Variants in FCMR observed in about 807,000 individuals in gnomAD.
FCMR encodes the protein immunoglobulin mu Fc receptor.
A neutral mutation model predicts 41.6 loss-of-function variants in FCMR; 34 were observed. The ratio of observed to expected loss-of-function variants is 0.82; its 90% confidence interval spans 0.62 to 1.09. FCMR has a LOEUF of 1.09. Among genes scored for constraint, FCMR ranks in the 50% least tolerant of loss-of-function variants. FCMR has a pLI of 0.00. For missense variants in FCMR, 496 were observed against 512.5 expected (o/e 0.97, Z 0.31); for synonymous variants, 209 against 211.8 (o/e 0.99, Z 0.12).
chr1:206,909,429 G>A lies in FCMR; in HGVS notation c.1044+33C>T. On this transcript the variant is annotated intron_variant, in intron 7 of 7. Transcript: ENST00000367091. The surrounding 1 kb of genome is among the most constrained non-coding windows in gnomAD (Gnocchi z 5.0). ...AGGGCTGGGGCCGCCCAGTCGGGCCGCGGCTGCCAATCAGGGCAGGAGCGG... is the reference window on the plus strand; with the variant it reads ...AGGGCTGGGGCCGCCCAGTCGGGCCACGGCTGCCAATCAGGGCAGGAGCGG... 2 of 1,218,928 alleles carry A rather than the reference G, an allele frequency of 1.6e-6. No homozygotes were observed. Among genetic ancestry groups the A allele is most frequent in the Non-Finnish European group, 2.1e-6 (2 of 974,440 alleles). The allele number at this position is 1,218,928 out of a possible 1,614,324, so 75.5% of individuals were successfully genotyped here. A position where few individuals can be genotyped will look rare whatever the true frequency, so the allele number is the denominator to read the frequency against.
At chr1:206,907,000 A>G (rs1678675267) in intron 7 of FCMR, among the ~76,000 whole-genome samples, 1 of 149,140 alleles carries the variant, frequency 6.7e-6, no homozygotes, top group Admixed American at 6.7e-5. Flanking sequence ...CTGAATGCCT[A>G]CTATGTTCAG....
chr1:206,919,599 A>G (rs970346300), intron 1 of FCMR, among the ~76,000 whole-genome samples: 5 of 152,216 alleles, frequency 3.3e-5, no homozygotes, highest in Admixed American at 2.6e-4. Context: ...CCTGTCTCAA[A>G]AAAAAGTGGG....
intron 2 of FCMR, 167 bp downstream of exon 2, chr1:206,913,592 A>G (rs545172426): frequency 3.2e-6 from 2 of 615,932 alleles, no homozygotes; most frequent in South Asian, 2.0e-5. Flanking sequence ...TGTGTGGACC[A>G]TGGAGGTAAT....
At chr1:206,911,593 C>T in intron 4 of FCMR, 137 bp downstream of exon 4, 1 of 762,080 alleles carries the variant, frequency 1.3e-6, no homozygotes, top group Non-Finnish European at 2.2e-6. Flanking sequence ...AGTTAATGAG[C>T]TATACTCATA....
rs912263913 is a variant in FCMR, at chr1:206,911,923, G to A, written c.517C>T (p.Pro173Ser). The A allele has an allele frequency of 1.9e-6, 3 of 1,607,202 alleles. No homozygotes were observed. The highest frequency in any genetic ancestry group is 2.7e-5 in the African/African-American group (2 of 74,308). The change falls in exon 4 of 8, where the codon CCT (proline) becomes TCT (serine). Residue 173 changes from proline (P) to serine (S), a missense_variant. By Grantham distance (74) the Pro-to-Ser change is moderately conservative. Transcript: ENST00000367091. ...GTGGGGGAGGAGTGGTGAACTGGAGGGACCTTGCCCCTTTGAGCTGGTGTG... is the reference window on the plus strand; with the variant it reads ...GTGGGGGAGGAGTGGTGAACTGGAGAGACCTTGCCCCTTTGAGCTGGTGTG... ...VTTPAQRGKV[P>S]PVHHSSPTTQ...
Position 206,904,923 on chromosome 1 carries a change from T to C in FCMR, c.*96A>G. On this transcript the variant is annotated 3_prime_UTR_variant, in exon 8 of 8. Transcript: ENST00000367091. ...GGGGCATGGGAAGTGATGAGGGCTC[T>C]GAGAACACATGAAGCAGGTATTGGA... 1 of 1,292,430 alleles carries C rather than the reference T, an allele frequency of 7.7e-7. No homozygotes were observed. The highest frequency in any genetic ancestry group is 1.1e-6 in the Non-Finnish European group (1 of 897,982). 80.1% of individuals were successfully genotyped at this position (1,292,430 alleles called of 1,614,324 possible).
At chr1:206,919,874 C>T (rs540651991) in intron 1 of FCMR, among the ~76,000 whole-genome samples, 114 of 152,344 alleles carry the variant, frequency 7.5e-4, no homozygotes, top group African/African-American at 2.7e-3. Flanking sequence ...CCTACTACCT[C>T]TCACAGTGTT....
intron 1 of FCMR, among the ~76,000 whole-genome samples, chr1:206,920,657 G>A (rs952800610): frequency 1.3e-5 from 2 of 152,148 alleles, no homozygotes; most frequent in African/African-American, 2.4e-5. Context: ...GACTTCAGTA[G>A]GCAGTAGGAG....
In FCMR at chr1:206,904,944, T is replaced by C. The variant is rs1678556876; in HGVS notation, c.*75A>G. The C allele has an allele frequency of 6.8e-7, 1 of 1,465,682 alleles. No individual in the cohort carries two copies. Among genetic ancestry groups the C allele is most frequent in the South Asian group, 1.2e-5 (1 of 86,698 alleles). The allele number at this position is 1,465,682 out of a possible 1,614,324, so 90.8% of individuals were successfully genotyped here. ...GCTCTGAGAACACATGAAGCAGGTA[T>C]TGGACATCAGCAGATAGATGAGACT... On this transcript the variant is annotated 3_prime_UTR_variant, in exon 8 of 8. Transcript: ENST00000367091.
chr1:206,922,071 A>G, upstream of FCMR: 1 of 595,724 alleles, frequency 1.7e-6, no homozygotes, highest in Non-Finnish European at 3.0e-6. Context: ...GGAAGTCAGG[A>G]GCTGAGAAAA....
chr1:206,905,260 A>C lies in FCMR; in HGVS notation c.1045-113T>G, dbSNP rs369986545. 9.6e-5 allele frequency: 114 copies of C among 1,193,566 alleles called. 1 individual carries two copies. In the South Asian group the frequency reaches 1.5e-3, roughly 16 times the overall value. The allele number at this position is 1,193,566 out of a possible 1,614,324, so 73.9% of individuals were successfully genotyped here. A position where few individuals can be genotyped will look rare whatever the true frequency, so the allele number is the denominator to read the frequency against. ...ATGGACATGGCTGCTGAGTTCCAGA[A>C]GGCAAAGACACAGAGATGGCTCAGC... On this transcript the variant is annotated intron_variant, in intron 7 of 7. Coordinates refer to ENST00000367091, the MANE Select transcript of FCMR (RefSeq NM_005449.5).
chr1:206,913,262 G>T (rs1238181268), intron 2 of FCMR, among the ~76,000 whole-genome samples: 1 of 152,298 alleles, frequency 6.6e-6, no homozygotes, highest in South Asian at 2.1e-4. Context: ...AGGTCATTGG[G>T]ATTCTAGGCT....
chr1:206,906,686 T>G (rs1474318395), intron 7 of FCMR, among the ~76,000 whole-genome samples: 1 of 152,074 alleles, frequency 6.6e-6, no homozygotes, highest in East Asian at 1.9e-4. Flanking sequence ...ATCAAGATTT[T>G]TGCCCCTAAT....
intron 1 of FCMR, among the ~76,000 whole-genome samples, chr1:206,918,490 T>G (rs894549734): frequency 3.9e-5 from 6 of 152,156 alleles, no homozygotes; most frequent in African/African-American, 1.4e-4. Flanking sequence ...TGGACCCTAC[T>G]TGAATGTGTA....
At position 206,910,227 on chromosome 1, in the gene FCMR, G is replaced by T. The variant is rs1276370549; in HGVS notation, c.824C>A (p.Ala275Asp). The change falls in exon 5 of 8, where the codon GCC becomes GAC. Residue 275 changes from alanine (A) to aspartate (D), a missense_variant. Transcript: ENST00000367091. ...LALLGLVVKR[A>D]VERRKALSRR... ...CCGCTCACCTTTCCTCCTTTCAACG[G>T]CCCTTTTCACCACCAGCCCCAGAAG... 2 of 1,601,608 alleles carry T rather than the reference G, an allele frequency of 1.2e-6. No homozygotes were observed. The highest frequency in any genetic ancestry group is 1.7e-6 in the Non-Finnish European group (2 of 1,175,028).
chr1:206,917,314 C>T lies in FCMR; in HGVS notation c.38-3220G>A, dbSNP rs537485770. Reference sequence around the variant, plus strand: ...CAGATCTCAGGAAGAGGAGAGCTGGCCTGTGATTTTTATGTTTATCAAACG... The same window carrying T: ...CAGATCTCAGGAAGAGGAGAGCTGGTCTGTGATTTTTATGTTTATCAAACG... On this transcript the variant is annotated intron_variant, in intron 1 of 7. Transcript: ENST00000367091. 5.9e-5 allele frequency among the ~76,000 whole-genome samples: 9 copies of T among 152,152 alleles called. No homozygotes were observed. In the South Asian group the frequency reaches 1.9e-3, roughly 32 times the overall value.
chr1:206,907,576 C>A, intron 7 of FCMR: 2 of 617,790 alleles, frequency 3.2e-6, no homozygotes, highest in Non-Finnish European at 6.1e-6. Context: ...AGTCTACATG[C>A]GAATTAAACA....
chr1:206,907,096 G>A (rs1456087581), intron 7 of FCMR, among the ~76,000 whole-genome samples: 6 of 52,910 alleles, frequency 1.1e-4, no homozygotes, highest in Non-Finnish European at 7.1e-5. Context: ...GTGGGGGGGT[G>A]GGGGGGTGGG....
intron 7 of FCMR, chr1:206,908,347 A>T: frequency 1.7e-6 from 1 of 600,170 alleles, no homozygotes; most frequent in South Asian, 2.0e-5. Flanking sequence ...GCAGCCTGGG[A>T]CATAGGAAGC....
Sources: gnomAD v4.1 joint callset for allele counts (sites outside exome capture counted in the v4.1 genomes callset) on GRCh38, gnomAD v4.1.1 for gene constraint, Gnocchi (gnomAD v3.1) non-coding constraint, MANE v1.5 for transcripts, NCBI Gene and HGNC (gene_info 2026-07-23, HGNC 2026-07-21) for gene names.